The following FAR2 variants were observed in gnomAD, a reference collection of about 807,000 sequenced individuals.
The protein encoded by FAR2 is epididymis secretory protein Li 81.
In FAR2, 19 loss-of-function variants were observed where a neutral mutation model predicts 56.0. The ratio of observed to expected loss-of-function variants is 0.34; its 90% CI spans 0.24 to 0.50. The LOEUF is 0.50. Among genes scored for constraint, FAR2 ranks in the 20% least tolerant of loss-of-function variants. The pLI is 0.98. For missense variants in FAR2, 508 were observed against 642.2 expected (o/e 0.79, Z 2.26); for synonymous variants, 219 against 218.8 (o/e 1.00, Z -0.01).
intron 1 of FAR2, among the ~76,000 whole-genome samples, chr12:29,241,603 C>G (rs1249658497): frequency 2.0e-5 from 3 of 152,180 alleles, no homozygotes; most frequent in African/African-American, 4.8e-5. Flanking sequence ...TTATCACAAC[C>G]TGACAATGTT....
At chr12:29,234,878 T>C (rs894018595) in intron 1 of FAR2, among the ~76,000 whole-genome samples, 3 of 152,222 alleles carry the variant, frequency 2.0e-5, no homozygotes, top group African/African-American at 7.2e-5. Flanking sequence ...ATAGCTTATG[T>C]ATTTTATTTA....
At chr12:29,181,320 A>T (rs2136597580) in intron 1 of FAR2, among the ~76,000 whole-genome samples, 1 of 152,248 alleles carries the variant, frequency 6.6e-6, no homozygotes, top group South Asian at 2.1e-4. Flanking sequence ...TTATATTACT[A>T]CTACTTCATT....
intron 1 of FAR2, among the ~76,000 whole-genome samples, chr12:29,180,116 A>T (rs1429605618): frequency 6.6e-6 from 1 of 152,172 alleles, no homozygotes; most frequent in Non-Finnish European, 1.5e-5. Flanking sequence ...ATTCAACAAA[A>T]ACTTCCCTCA....
At chr12:29,254,631 G>T (rs1158037761) in intron 1 of FAR2, among the ~76,000 whole-genome samples, 1 of 152,200 alleles carries the variant, frequency 6.6e-6, no homozygotes, top group African/African-American at 2.4e-5. Context: ...ATGGGAACAT[G>T]AAACAGCTAC....
At chr12:29,319,145 T>C (rs1464137952) in intron 9 of FAR2, among the ~76,000 whole-genome samples, 1 of 151,716 alleles carries the variant, frequency 6.6e-6, no homozygotes, top group Admixed American at 6.6e-5. Context: ...CGCCCGCCAC[T>C]GTGCCTGGCT....
intron 1 of FAR2, among the ~76,000 whole-genome samples, chr12:29,255,873 T>C (rs955941502): frequency 6.6e-6 from 1 of 152,154 alleles, no homozygotes; most frequent in Non-Finnish European, 1.5e-5. Context: ...TTTTATTTTA[T>C]TTATTTCTTT....
chr12:29,200,967 T>C (rs1337780404), intron 1 of FAR2, among the ~76,000 whole-genome samples: 1 of 152,084 alleles, frequency 6.6e-6, no homozygotes, highest in Non-Finnish European at 1.5e-5. Context: ...GAGGAGAATA[T>C]CTGTGTGTCA....
chr12:29,268,558 T>C (rs1172777019), intron 1 of FAR2, among the ~76,000 whole-genome samples: 1 of 152,224 alleles, frequency 6.6e-6, no homozygotes, highest in Non-Finnish European at 1.5e-5. Context: ...CCAAAACCTG[T>C]GGTCGGTGGC....
intron 2 of FAR2, among the ~76,000 whole-genome samples, chr12:29,285,433 G>T (rs905850537): frequency 3.3e-5 from 5 of 151,886 alleles, no homozygotes; most frequent in Non-Finnish European, 7.3e-5. Flanking sequence ...CAAAAAGCAA[G>T]AGGCCTCTAG....
intron 10 of FAR2, among the ~76,000 whole-genome samples, chr12:29,330,914 A>C (rs1228347374): frequency 6.6e-6 from 1 of 152,226 alleles, no homozygotes; most frequent in Non-Finnish European, 1.5e-5. Context: ...TTATATACAG[A>C]CTAAATAGAA....
intron 1 of FAR2, among the ~76,000 whole-genome samples, chr12:29,248,595 T>A (rs1948163812): frequency 6.6e-6 from 1 of 152,086 alleles, no homozygotes. Flanking sequence ...GCTAATGAAG[T>A]TTCGGGCACC....
At chr12:29,276,135 A>G (rs1014062947) in intron 2 of FAR2, among the ~76,000 whole-genome samples, 3 of 152,160 alleles carry the variant, frequency 2.0e-5, no homozygotes, top group African/African-American at 7.2e-5. Context: ...TGGTTTCTTT[A>G]TCTGTAAAAT....
chr12:29,266,877 T>C (rs1025727986), intron 1 of FAR2, among the ~76,000 whole-genome samples: 11 of 152,136 alleles, frequency 7.2e-5, no homozygotes, highest in African/African-American at 2.7e-4. Flanking sequence ...CAAAACTGTG[T>C]CTGGGGTCAA....
chr12:29,285,140 C>T (rs1031847426), intron 2 of FAR2, among the ~76,000 whole-genome samples: 9 of 152,094 alleles, frequency 5.9e-5, no homozygotes, highest in African/African-American at 2.2e-4. Flanking sequence ...CGCGCCCGGC[C>T]GCATTACTGC....
At chr12:29,275,236 TCTGG>T (rs1297130055) in intron 2 of FAR2, among the ~76,000 whole-genome samples, 2 of 151,856 alleles carry the variant, frequency 1.3e-5, no homozygotes, top group Non-Finnish European at 2.9e-5. Flanking sequence ...TGGGTTGTTC[TCTGG>T]CAGGCAGGAG....
intron 1 of FAR2, among the ~76,000 whole-genome samples, chr12:29,191,428 G>A (rs556633701): frequency 1.5e-4 from 23 of 152,248 alleles, no homozygotes; most frequent in Admixed American, 1.3e-4. Flanking sequence ...ATGGACAATC[G>A]CAAGATTATG....
At chr12:29,314,439 T>TG (rs1199392020) in intron 8 of FAR2, among the ~76,000 whole-genome samples, 2 of 151,532 alleles carry the variant, frequency 1.3e-5, no homozygotes. Context: ...GATCTTTTTT[T>TG]TTTTTTTTAT....
intron 2 of FAR2, among the ~76,000 whole-genome samples, chr12:29,288,790 G>C (rs1029264006): frequency 6.6e-6 from 1 of 152,070 alleles, no homozygotes; most frequent in African/African-American, 2.4e-5. Context: ...TTCTATTGTA[G>C]TAATAGTTCT....
intron 1 of FAR2, among the ~76,000 whole-genome samples, chr12:29,173,050 A>T (rs1372728929): frequency 6.6e-6 from 1 of 152,198 alleles, no homozygotes; most frequent in Non-Finnish European, 1.5e-5. Flanking sequence ...TTTTAACTAA[A>T]GGCCAGGTTT....
Sources: gnomAD v4.1 joint callset for allele counts (sites outside exome capture counted in the v4.1 genomes callset) on GRCh38, gnomAD v4.1.1 for gene constraint, MANE v1.5 for transcripts, NCBI Gene and HGNC (gene_info 2026-07-23, HGNC 2026-07-21) for gene names.